HDAC2: variants seen among roughly 807,000 people sequenced by gnomAD.
HDAC2 encodes the protein YY1-associated factor 1.
Under a neutral mutation model 68.5 loss-of-function variants are expected in HDAC2, and 5 were observed. The observed-to-expected ratio is 0.07, with a 90% confidence interval of 0.04 to 0.15. The LOEUF (loss-of-function observed/expected upper bound fraction) is 0.15. Ranked by LOEUF, HDAC2 falls within the 10% of genes least tolerant of loss-of-function variation. HDAC2 has a pLI of 1.00. For missense variants in HDAC2, 291 were observed against 600.8 expected (o/e 0.48, Z 5.39); for synonymous variants, 182 against 191.3 (o/e 0.95, Z 0.40).
Position 113,939,408 on chromosome 6 carries a change from C to T in HDAC2, c.*1650G>A, listed in dbSNP as rs1562138352. 6.6e-6 allele frequency: 1 copy of T among 152,098 alleles called. No individual in the cohort carries two copies. The highest frequency in any genetic ancestry group is 1.5e-5 in the Non-Finnish European group (1 of 68,048). 9.4% of individuals were successfully genotyped at this position (152,098 alleles called of 1,614,324 possible). A position where few individuals can be genotyped will look rare whatever the true frequency, so the allele number is the denominator to read the frequency against. On this transcript the variant is annotated 3_prime_UTR_variant, in exon 14 of 14. Transcript: ENST00000519065. ...ACAAATCACCACTAAAGAACTTAAT[C>T]ATGTAACCAAACACCACCTGTTCCC...
intron 13 of HDAC2, 125 bp downstream of exon 13, chr6:113,941,583 C>CT (rs1264470847): frequency 4.8e-6 from 2 of 416,218 alleles, no homozygotes; most frequent in African/African-American, 4.1e-5. Flanking sequence ...AAATTCAGAG[C>CT]ACCTCATAAT....
intron 3 of HDAC2, chr6:113,957,347 C>T (rs1026888213): frequency 6.6e-6 from 1 of 152,234 alleles, no homozygotes; most frequent in African/African-American, 2.4e-5. Context: ...CTTTCTTAGT[C>T]TTTCCCTATG....
chr6:113,948,883 A>T, intron 8 of HDAC2, 96 bp downstream of exon 8: 1 of 1,376,956 alleles, frequency 7.3e-7, no homozygotes, highest in Non-Finnish European at 1.0e-6. Context: ...GTGTTAAAAC[A>T]GCAGGCAAGA....
In HDAC2 at chr6:113,958,708, T is replaced by A; in HGVS notation, c.224A>T (p.Lys75Ile). Residue 75 changes from lysine to isoleucine, a missense_variant, in exon 3 of 14, where the codon AAA becomes ATA. Physicochemically the swap from Lys to Ile is moderately radical, Grantham distance 102. Coordinates refer to ENST00000519065, the MANE Select transcript of HDAC2 (RefSeq NM_001527.4). ...MTKYHSDEYI[K>I]FLRSIRPDNM... ...ATCTGGTCTTATTGACCGTAGAAAT[T>A]TGATATACTCATCACTGTGATATTT... is the stretch of plus-strand genomic sequence containing the variant. 3 of 1,610,114 alleles carry A rather than the reference T, an allele frequency of 1.9e-6. No homozygotes were observed. The highest frequency in any genetic ancestry group is 2.5e-6 in the Non-Finnish European group (3 of 1,177,254).
At chr6:113,968,410 CT>C (rs1241298607) in intron 1 of HDAC2, 1 of 152,150 alleles carries the variant, frequency 6.6e-6, no homozygotes, top group Non-Finnish European at 1.5e-5. Context: ...AGTATTGCTA[CT>C]TTTGTAAGCT....
At chr6:113,954,436 C>T (rs977737979) in intron 5 of HDAC2, among the ~76,000 whole-genome samples, 3 of 151,998 alleles carry the variant, frequency 2.0e-5, no homozygotes, top group African/African-American at 2.4e-5. Flanking sequence ...AGTTTCTGAG[C>T]GGCTCACGTG....
chr6:113,958,985 A>T (rs1272852860), intron 2 of HDAC2, among the ~76,000 whole-genome samples: 1 of 152,158 alleles, frequency 6.6e-6, no homozygotes, highest in Admixed American at 6.5e-5. Context: ...TTACACAGGC[A>T]TATCAACTAT....
chr6:113,952,269 T>C (rs185507118), intron 6 of HDAC2, among the ~76,000 whole-genome samples: 156 of 152,278 alleles, frequency 1.0e-3, no homozygotes, highest in African/African-American at 3.7e-3. Flanking sequence ...GGCAAGGAAT[T>C]GAAATTACAA....
rs982833943 is a variant in HDAC2 at position 113,934,747 on chromosome 6, T to C, written c.*6311A>G. 22 of 152,210 alleles carry C rather than the reference T, an allele frequency of 1.4e-4. No homozygotes were observed. Among genetic ancestry groups the C allele is most frequent in the African/African-American group, 4.8e-4 (20 of 41,444 alleles). 9.4% of individuals were successfully genotyped at this position (152,210 alleles called of 1,614,324 possible). On this transcript the variant is annotated 3_prime_UTR_variant, in exon 14 of 14. Coordinates refer to ENST00000519065, the MANE Select transcript of HDAC2 (RefSeq NM_001527.4). Reference sequence around the variant, plus strand: ...AATTTGGATTTCAAACAAAACAGCTTACAAAAGGGTGTTTGGCATCAAAAG... The same window carrying C: ...AATTTGGATTTCAAACAAAACAGCTCACAAAAGGGTGTTTGGCATCAAAAG...
At position 113,945,357 on chromosome 6, in the gene HDAC2, CTTACT is replaced by C. The variant is rs1776244813; in HGVS notation, c.1091_1091+4del. The C allele has an allele frequency of 7.9e-7, 1 of 1,266,286 alleles. No individual in the cohort carries two copies. Among genetic ancestry groups the C allele is most frequent in the African/African-American group, 1.5e-5 (1 of 67,692 alleles). 78.4% of individuals were successfully genotyped at this position (1,266,286 alleles called of 1,614,324 possible). On this transcript the variant is annotated splice_donor_variant and splice_donor_region_variant and coding_sequence_variant and intron_variant, in exon 10 of 14. Transcript: ENST00000519065. LOFTEE classifies it high-confidence loss of function. ...GTTTATCAAAACAATTCAATGATTT[CTTACT>C]TTATCTTTTCCATATATTCTGGAGT...
At chr6:113,956,210 G>A in intron 4 of HDAC2, 59 bp from the exon 5 acceptor site, 1 of 1,415,004 alleles carries the variant, frequency 7.1e-7, no homozygotes, top group Admixed American at 2.2e-5. Context: ...GTAGTAGAAT[G>A]AGACAAAAAC....
rs560399893 is a variant in HDAC2, at chr6:113,939,840, T to C, written c.*1218A>G. 4 of 152,340 alleles carry C rather than the reference T, an allele frequency of 2.6e-5. No homozygotes were observed. Among genetic ancestry groups the C allele is most frequent in the Non-Finnish European group, 5.9e-5 (4 of 68,024 alleles). The allele number at this position is 152,340 out of a possible 1,614,324, so 9.4% of individuals were successfully genotyped here. ...GTTCATTACAAAAGTCTAGGTGCTA[T>C]TGTGAATGTCTGAAACATTTAAGAG... On this transcript the variant is annotated 3_prime_UTR_variant, in exon 14 of 14. Transcript: ENST00000519065.
At chr6:113,944,511 C>T in intron 10 of HDAC2, 101 bp from the exon 11 acceptor site, 1 of 965,298 alleles carries the variant, frequency 1.0e-6, no homozygotes, top group Non-Finnish European at 1.6e-6. Flanking sequence ...TTTGGTCTAG[C>T]TAAACCTATA....
chr6:113,959,745 T>C, intron 2 of HDAC2, 161 bp downstream of exon 2: 1 of 527,982 alleles, frequency 1.9e-6, no homozygotes, highest in Non-Finnish European at 3.4e-6. Context: ...GCTCTCATTC[T>C]TATTCATCTC....
intron 2 of HDAC2, among the ~76,000 whole-genome samples, chr6:113,959,141 C>T (rs961484968): frequency 6.6e-6 from 1 of 152,022 alleles, no homozygotes. Flanking sequence ...GTTTTCAATT[C>T]TAAATCTTTG....
intron 8 of HDAC2, chr6:113,947,141 T>C (rs1776281701): frequency 6.6e-6 from 1 of 152,134 alleles, no homozygotes; most frequent in Non-Finnish European, 1.5e-5. Flanking sequence ...TAAAAACCAT[T>C]TGGATATTTT....
At chr6:113,969,532 TCAGA>T (rs1776922489) in intron 1 of HDAC2, among the ~76,000 whole-genome samples, 1 of 152,218 alleles carries the variant, frequency 6.6e-6, no homozygotes, top group Non-Finnish European at 1.5e-5. Flanking sequence ...TTCCTACAAA[TCAGA>T]CAGGACTTTC....
At position 113,943,388 on chromosome 6, in the gene HDAC2, A is replaced by T. The variant is rs1433119143; in HGVS notation, c.1341T>A (p.Ile447=). 17 of 1,609,712 alleles carry T rather than the reference A, an allele frequency of 1.1e-5. No homozygotes were observed. The highest frequency in any genetic ancestry group is 1.4e-5 in the Non-Finnish European group (17 of 1,178,762). Residue 447 remains isoleucine (I), a synonymous_variant, in exon 12 of 14, where the codon ATT becomes ATA. Coordinates refer to ENST00000519065, the MANE Select transcript of HDAC2 (RefSeq NM_001527.4). ...DHKKGAKKAR[I]EEDKKETEDK... ...CCTCTGTTTCTTTCTTATCTTCTTC[A>T]ATTCTAGCTTTCTTTGCTCCTTTCT...
chr6:113,970,521 G>T, intron 1 of HDAC2: 2 of 1,194,414 alleles, frequency 1.7e-6, no homozygotes, highest in South Asian at 3.0e-5. Flanking sequence ...GGAGAGAATG[G>T]GCCGCCCCCT....
Sources: allele counts gnomAD v4.1 joint callset (sites outside exome capture counted in the v4.1 genomes callset), GRCh38; gene constraint gnomAD v4.1.1; transcripts MANE v1.5; gene names NCBI Gene and HGNC (gene_info 2026-07-23, HGNC 2026-07-21).